The following PRKG1 variants were observed in gnomAD, a reference collection of about 807,000 sequenced individuals.
PRKG1 encodes the protein cGMP-dependent protein kinase 1.
PRKG1 carries 35 observed loss-of-function variants against 88.1 expected under a neutral mutation model. That is an observed-to-expected ratio of 0.40 (90% CI 0.30 to 0.53). PRKG1 has a LOEUF of 0.53. Ranked by LOEUF, PRKG1 falls within the 20% of genes least tolerant of loss-of-function variation. The probability of loss-of-function intolerance (pLI) is 0.59; values close to 1 mark genes in which losing one functional copy is unlikely to be tolerated. For synonymous variants in PRKG1, 303 were observed against 292.5 expected (o/e 1.04, Z -0.37); for missense variants, 540 against 839.8 (o/e 0.64, Z 4.41).
chr10:51,622,570 T>C (rs1263731948), intron 3 of PRKG1, among the ~76,000 whole-genome samples: 2 of 152,214 alleles, frequency 1.3e-5, no homozygotes, highest in African/African-American at 2.4e-5. Context: ...CGGTCATTAA[T>C]TGAAAACGGT....
In PRKG1 at chr10:52,282,036, C is replaced by T. The variant is rs1051768907; in HGVS notation, c.1546-117C>T. ...AGACTATTCTTTTTGGAAGACAGAA[C>T]TATAAAAACATACATGTTTTTAAAT... On this transcript the variant is annotated intron_variant, in intron 13 of 17. Coordinates refer to ENST00000373980, the MANE Select transcript of PRKG1 (RefSeq NM_006258.4). 12 of 1,080,272 alleles carry T rather than the reference C, an allele frequency of 1.1e-5. No individual in the cohort carries two copies. The African/African-American group carries it at 1.6e-4, about 14-fold the overall frequency. The allele number at this position is 1,080,272 out of a possible 1,614,324, so 66.9% of individuals were successfully genotyped here.
At chr10:52,080,954 A>G (rs1846757234) in intron 7 of PRKG1, among the ~76,000 whole-genome samples, 1 of 152,090 alleles carries the variant, frequency 6.6e-6, no homozygotes, top group Non-Finnish European at 1.5e-5. Flanking sequence ...TATTTACTCT[A>G]AAACTCCTGA....
intron 3 of PRKG1, among the ~76,000 whole-genome samples, chr10:51,562,236 A>T (rs541084948): frequency 2.1e-5 from 3 of 145,554 alleles, no homozygotes; most frequent in Admixed American, 6.9e-5. Flanking sequence ...AAAAAAAAAA[A>T]TGCTACTGTA....
At chr10:51,688,975 T>G (rs938338503) in intron 3 of PRKG1, among the ~76,000 whole-genome samples, 13 of 152,094 alleles carry the variant, frequency 8.5e-5, no homozygotes, top group African/African-American at 3.1e-4. Flanking sequence ...TTCATGATAG[T>G]GAGTGGGTTT....
intron 5 of PRKG1, among the ~76,000 whole-genome samples, chr10:51,976,188 T>C (rs1295734318): frequency 2.0e-5 from 3 of 151,950 alleles, no homozygotes; most frequent in African/African-American, 7.2e-5. Flanking sequence ...CAGACACTTT[T>C]GAAAATAGTT....
Position 51,513,233 on chromosome 10 carries a change from T to A in PRKG1, c.592+45397T>A, listed in dbSNP as rs1434468701. ...AAAACAGACTTTAAACCAACAAAGA[T>A]CAAAAGAGACAAAGAAGGCCATTAC... On this transcript the variant is annotated intron_variant, in intron 3 of 17. Transcript: ENST00000373980. Among the ~76,000 whole-genome samples the A allele has an allele frequency of 5.6e-5, 8 of 143,682 alleles. No homozygotes were observed. In the East Asian group the frequency reaches 1.7e-3, roughly 30 times the overall value. The allele number at this position is 143,682 out of a possible 152,430, so 94.3% of individuals were successfully genotyped here. A position where few individuals can be genotyped will look rare whatever the true frequency, so the allele number is the denominator to read the frequency against.
At chr10:51,811,258 T>G (rs990860766) in intron 4 of PRKG1, among the ~76,000 whole-genome samples, 2 of 152,142 alleles carry the variant, frequency 1.3e-5, no homozygotes, top group Non-Finnish European at 2.9e-5. Flanking sequence ...TTATTTAGAT[T>G]ATTAATTCAA....
intron 4 of PRKG1, among the ~76,000 whole-genome samples, chr10:51,848,772 G>A (rs1840470230): frequency 6.6e-6 from 1 of 151,696 alleles, no homozygotes; most frequent in African/African-American, 2.4e-5. Context: ...CTTTCAAAGT[G>A]CTGGGATTAC....
At chr10:51,869,692 A>G (rs1032189564) in intron 4 of PRKG1, among the ~76,000 whole-genome samples, 10 of 152,290 alleles carry the variant, frequency 6.6e-5, no homozygotes, top group Admixed American at 5.2e-4. Flanking sequence ...TGACTTACGC[A>G]TAATTATGAA....
chr10:51,929,673 A>G (rs1172149278), intron 5 of PRKG1, among the ~76,000 whole-genome samples: 3 of 152,106 alleles, frequency 2.0e-5, no homozygotes, highest in Non-Finnish European at 4.4e-5. Context: ...TAAATGTAAA[A>G]CACAGAAAGT....
At chr10:51,532,751 G>A (rs966079166) in intron 3 of PRKG1, among the ~76,000 whole-genome samples, 8 of 152,060 alleles carry the variant, frequency 5.3e-5, no homozygotes, top group Non-Finnish European at 8.8e-5. Flanking sequence ...TCTTATCCCT[G>A]GCCATTCCTG....
intron 3 of PRKG1, among the ~76,000 whole-genome samples, chr10:51,484,137 T>C (rs1840454659): frequency 6.6e-6 from 1 of 152,166 alleles, no homozygotes; most frequent in Non-Finnish European, 1.5e-5. Context: ...TATAAAACCT[T>C]TACTTGGAGT....
intron 2 of PRKG1, among the ~76,000 whole-genome samples, chr10:51,200,054 G>T (rs578239763): frequency 1.3e-5 from 2 of 152,306 alleles, no homozygotes; most frequent in East Asian, 1.9e-4. Context: ...CTTCTGAATA[G>T]TAAGTATCAG....
At chr10:51,598,675 A>G (rs1349194566) in intron 3 of PRKG1, among the ~76,000 whole-genome samples, 3 of 152,244 alleles carry the variant, frequency 2.0e-5, no homozygotes, top group African/African-American at 7.2e-5. Context: ...CCCAGGCTAT[A>G]TGATGTTTAA....
intron 5 of PRKG1, among the ~76,000 whole-genome samples, chr10:52,041,241 GT>G (rs1202035611): frequency 6.6e-6 from 1 of 152,114 alleles, no homozygotes; most frequent in Non-Finnish European, 1.5e-5. Context: ...TGATCACATG[GT>G]TTTTATCCTT....
intron 3 of PRKG1, among the ~76,000 whole-genome samples, chr10:51,586,083 C>T (rs1030397642): frequency 2.0e-5 from 3 of 152,062 alleles, no homozygotes; most frequent in Non-Finnish European, 4.4e-5. Flanking sequence ...TATCACGCAA[C>T]ATACCCATTT....
intron 4 of PRKG1, among the ~76,000 whole-genome samples, chr10:51,886,446 A>T (rs890169547): frequency 6.6e-6 from 1 of 152,176 alleles, no homozygotes; most frequent in Non-Finnish European, 1.5e-5. Context: ...CAACCCAGAT[A>T]TTTAGGGCCA....
intron 7 of PRKG1, among the ~76,000 whole-genome samples, chr10:52,077,649 C>CA (rs1352572052): frequency 1.3e-5 from 2 of 152,046 alleles, no homozygotes; most frequent in Admixed American, 6.6e-5. Context: ...ACTCACTAGA[C>CA]AGTCGTACCC....
At chr10:51,892,683 A>T (rs779012606) in intron 4 of PRKG1, among the ~76,000 whole-genome samples, 2 of 152,222 alleles carry the variant, frequency 1.3e-5, no homozygotes, top group Non-Finnish European at 2.9e-5. Flanking sequence ...AAGGATCAGG[A>T]ATGCTATTGG....
Sources: gnomAD v4.1 joint callset for allele counts (sites outside exome capture counted in the v4.1 genomes callset) on GRCh38, gnomAD v4.1.1 for gene constraint, MANE v1.5 for transcripts, NCBI Gene and HGNC (gene_info 2026-07-23, HGNC 2026-07-21) for gene names.